The following FBN1 variants were observed in gnomAD, a reference collection of about 807,000 sequenced individuals.
The protein encoded by FBN1 is fibrillin 1.
In FBN1, 29 loss-of-function variants were observed where a neutral mutation model predicts 365.1. That is an observed-to-expected ratio of 0.08 (90% CI 0.06 to 0.11). The LOEUF (loss-of-function observed/expected upper bound fraction) is 0.11, where lower values mean the gene tolerates loss of function less well. Among genes scored for constraint, FBN1 ranks in the 10% least tolerant of loss-of-function variants. The probability of loss-of-function intolerance (pLI) is 1.00; values close to 1 mark genes in which losing one functional copy is unlikely to be tolerated. For missense variants in FBN1, 2,476 were observed against 3,703.2 expected, an observed-to-expected ratio of 0.67 and a Z score of 8.60; for synonymous variants, 1,210 against 1,270.5, an observed-to-expected ratio of 0.95 and a Z score of 1.01.
intron 4 of FBN1, among the ~76,000 whole-genome samples, chr15:48,605,776 G>A (rs926115795): frequency 6.6e-6 from 1 of 152,184 alleles, no homozygotes; most frequent in Non-Finnish European, 1.5e-5. Flanking sequence ...TCAAGAGGCT[G>A]AGGTGGGAGG....
intron 34 of FBN1, among the ~76,000 whole-genome samples, chr15:48,473,403 T>C (rs1457109544): frequency 2.6e-5 from 4 of 152,218 alleles, no homozygotes; most frequent in African/African-American, 4.8e-5. Flanking sequence ...GATCTTATTA[T>C]TTTATTTAAC....
intron 19 of FBN1, 104 bp from the exon 20 acceptor site, chr15:48,496,329 T>A: frequency 6.7e-7 from 1 of 1,488,718 alleles, no homozygotes; most frequent in Non-Finnish European, 9.3e-7. Flanking sequence ...ACGTGATCAA[T>A]TCAAGCAAAA....
At chr15:48,632,462 A>T (rs893548954) in intron 2 of FBN1, among the ~76,000 whole-genome samples, 3 of 152,328 alleles carry the variant, frequency 2.0e-5, no homozygotes, top group African/African-American at 7.2e-5. Context: ...GACAACACAG[A>T]AAGATGAGTA....
intron 47 of FBN1, among the ~76,000 whole-genome samples, chr15:48,446,180 T>C (rs949166908): frequency 6.6e-6 from 1 of 152,154 alleles, no homozygotes; most frequent in Non-Finnish European, 1.5e-5. Context: ...GTAATGGATA[T>C]AGTTACAGTG....
intron 6 of FBN1, among the ~76,000 whole-genome samples, chr15:48,558,529 C>G (rs1469942398): frequency 6.6e-6 from 1 of 152,132 alleles, no homozygotes; most frequent in Non-Finnish European, 1.5e-5. Flanking sequence ...GCTGTTTTGG[C>G]ACACTAACAA....
intron 4 of FBN1, 66 bp downstream of exon 4, chr15:48,610,662 A>T: frequency 2.4e-6 from 3 of 1,253,872 alleles, no homozygotes; most frequent in Non-Finnish European, 3.4e-6. Context: ...GCCAAAATCA[A>T]ATTTAGGAGA....
chr15:48,464,834 T>C (rs1326622592), intron 40 of FBN1, among the ~76,000 whole-genome samples: 3 of 152,224 alleles, frequency 2.0e-5, no homozygotes, highest in African/African-American at 7.2e-5. Context: ...AAGGAGTTGA[T>C]TCTAATCTTT....
chr15:48,455,824 T>C (rs74011810), intron 44 of FBN1, among the ~76,000 whole-genome samples: 1,550 of 152,322 alleles, frequency 0.01, 28 homozygotes, highest in African/African-American at 0.036. Context: ...TTGTCTTCAG[T>C]ATAGACAAAA....
At chr15:48,429,085 T>C (rs528090071) in intron 56 of FBN1, among the ~76,000 whole-genome samples, 12 of 152,202 alleles carry the variant, frequency 7.9e-5, no homozygotes, top group African/African-American at 2.2e-4. Context: ...TAAACATAGA[T>C]GGTAGCATTT....
chr15:48,630,632 C>T (rs1889966285), intron 2 of FBN1, among the ~76,000 whole-genome samples: 1 of 150,170 alleles, frequency 6.7e-6, no homozygotes, highest in South Asian at 2.1e-4. Flanking sequence ...TTATTTTTTT[C>T]CCAGGAAGTC....
At position 48,437,034 on chromosome 15, in the gene FBN1, C is replaced by T; in HGVS notation, c.6423G>A (p.Gln2141=). The part of the protein sequence containing the change: ...CKEPDVCKHG[Q]CINTDGSYRC... Reference sequence around the variant, plus strand: ...GATAGGAACCATCTGTATTGATGCACTGTCCATGTTTACAGACATCGGGTT... The same window carrying T: ...GATAGGAACCATCTGTATTGATGCATTGTCCATGTTTACAGACATCGGGTT... The change falls in exon 53 of 66, where the codon CAG becomes CAA. Residue 2141 remains glutamine (Q), a synonymous_variant. Transcript: ENST00000316623. The T allele has an allele frequency of 1.9e-6, 3 of 1,613,410 alleles. No homozygotes were observed. Among genetic ancestry groups the T allele is most frequent in the Admixed American group, 1.7e-5 (1 of 59,948 alleles).
At chr15:48,445,866 T>C (rs184841290) in intron 47 of FBN1, among the ~76,000 whole-genome samples, 5 of 152,238 alleles carry the variant, frequency 3.3e-5, no homozygotes, top group Admixed American at 3.3e-4. Flanking sequence ...TTCCTTTGTA[T>C]TCTTGCAATT....
chr15:48,552,509 C>T lies in FBN1; in HGVS notation c.539-14701G>A, dbSNP rs570380142. Among the ~76,000 whole-genome samples the T allele has an allele frequency of 6.2e-4, 94 of 152,016 alleles. 3 individuals are homozygous for T. The highest frequency in any genetic ancestry group is 4.0e-3 in the South Asian group (19 of 4,796). ...CTGGTCTTGAAGTCCTGGGCTCAAG[C>T]GATCCTCCCACCTCAGCCTCCCAAA... is the stretch of plus-strand genomic sequence containing the variant. On this transcript the variant is annotated intron_variant, in intron 6 of 65. Transcript: ENST00000316623.
At chr15:48,464,277 A>C (rs1205488981) in intron 40 of FBN1, among the ~76,000 whole-genome samples, 2 of 152,156 alleles carry the variant, frequency 1.3e-5, no homozygotes, top group African/African-American at 2.4e-5. Flanking sequence ...TTGGGAGGCC[A>C]AGGTGGGTGG....
intron 48 of FBN1, 64 bp downstream of exon 48, chr15:48,445,312 T>G: frequency 1.3e-6 from 2 of 1,565,416 alleles, no homozygotes; most frequent in Non-Finnish European, 1.8e-6. Context: ...GAACAGAGAC[T>G]GCATGATTCC....
At chr15:48,546,425 G>A (rs1244992342) in intron 6 of FBN1, among the ~76,000 whole-genome samples, 1 of 152,224 alleles carries the variant, frequency 6.6e-6, no homozygotes, top group African/African-American at 2.4e-5. Flanking sequence ...AGCCAGCTGT[G>A]CAACATCTAA....
intron 4 of FBN1, among the ~76,000 whole-genome samples, chr15:48,605,062 G>C (rs2044596012): frequency 6.6e-6 from 1 of 152,140 alleles, no homozygotes; most frequent in Non-Finnish European, 1.5e-5. Flanking sequence ...AAACTATAAG[G>C]GGTTTGAAAA....
At chr15:48,578,830 G>C (rs1201986816) in intron 6 of FBN1, among the ~76,000 whole-genome samples, 1 of 125,736 alleles carries the variant, frequency 8.0e-6, no homozygotes, top group Non-Finnish European at 1.6e-5. Flanking sequence ...CACAGGAAGG[G>C]GAACATCACA....
intron 1 of FBN1, among the ~76,000 whole-genome samples, chr15:48,645,338 G>A (rs957129844): frequency 1.5e-4 from 23 of 152,160 alleles, no homozygotes; most frequent in African/African-American, 5.5e-4. Context: ...CGTCCCCGCC[G>A]ACTCCGGGCG....
Sources: allele counts gnomAD v4.1 joint callset (sites outside exome capture counted in the v4.1 genomes callset), GRCh38; gene constraint gnomAD v4.1.1; transcripts MANE v1.5; gene names NCBI Gene and HGNC (gene_info 2026-07-23, HGNC 2026-07-21).